The following MTSS1 variants were observed in gnomAD, a reference collection of about 807,000 sequenced individuals.
The protein encoded by MTSS1 is protein MTSS 1.
A neutral mutation model predicts 79.0 loss-of-function variants in MTSS1; 18 were observed. The ratio of observed to expected loss-of-function variants is 0.23; its 90% CI spans 0.16 to 0.34. The LOEUF (loss-of-function observed/expected upper bound fraction) is 0.34, where lower values mean the gene tolerates loss of function less well. MTSS1 is among the 10% of genes least tolerant of loss of function. MTSS1 has a pLI of 1.00. For synonymous variants in MTSS1, 341 were observed against 368.6 expected, an observed-to-expected ratio of 0.93 and a Z score of 0.86; for missense variants, 815 against 986.2, an observed-to-expected ratio of 0.83 and a Z score of 2.33.
At chr8:124,559,254 C>A (rs1824741461) in intron 10 of MTSS1, among the ~76,000 whole-genome samples, 1 of 152,152 alleles carries the variant, frequency 6.6e-6, no homozygotes, top group African/African-American at 2.4e-5. Flanking sequence ...CCTGTCACCT[C>A]TCTTATGTGC....
chr8:124,594,255 G>C (rs1378658865), intron 3 of MTSS1, among the ~76,000 whole-genome samples: 1 of 152,230 alleles, frequency 6.6e-6, no homozygotes, highest in African/African-American at 2.4e-5. Context: ...AACTGGCCGG[G>C]CTCAGTGGCT....
rs141282382 is a variant in MTSS1 at position 124,640,215 on chromosome 8, C to T, written c.209-48980G>A. Reference sequence around the variant, plus strand: ...CCTACCCACTGTTATTTCACTGAGCCAAGGCTGAGAAACGCAGTCACTCTG... The same window carrying T: ...CCTACCCACTGTTATTTCACTGAGCTAAGGCTGAGAAACGCAGTCACTCTG... On this transcript the variant is annotated intron_variant, in intron 3 of 13. Coordinates refer to ENST00000518547, the MANE Select transcript of MTSS1 (RefSeq NM_014751.6). 5.3e-5 allele frequency among the ~76,000 whole-genome samples: 8 copies of T among 152,318 alleles called. No individual in the cohort carries two copies. The East Asian group carries it at 1.5e-3, about 29-fold the overall frequency.
intron 7 of MTSS1, chr8:124,568,012 C>CA: frequency 7.3e-6 from 9 of 1,238,212 alleles, no homozygotes; most frequent in Non-Finnish European, 9.4e-6. Flanking sequence ...CTTTAAAACA[C>CA]AGACGACTGG....
intron 3 of MTSS1, among the ~76,000 whole-genome samples, chr8:124,639,520 A>G (rs1817638748): frequency 6.6e-6 from 1 of 151,932 alleles, no homozygotes; most frequent in Non-Finnish European, 1.5e-5. Flanking sequence ...TGTGTCACTC[A>G]GGCTGGAGTG....
In MTSS1 at chr8:124,604,612, C is replaced by A. The variant is rs1178069188; in HGVS notation, c.209-13377G>T. Among the ~76,000 whole-genome samples, 3 of 151,484 alleles carry A rather than the reference C, an allele frequency of 2.0e-5. No homozygotes were observed. The South Asian group carries it at 6.3e-4, about 32-fold the overall frequency. On this transcript the variant is annotated intron_variant, in intron 3 of 13. Transcript: ENST00000518547. The stretch of plus-strand genomic sequence containing the variant: ...CCTGTGTGGTTTTTTTTTTAAAAAA[C>A]CTGTTTTATTCAGCTACTGTATACA...
intron 3 of MTSS1, among the ~76,000 whole-genome samples, chr8:124,611,118 C>CCA (rs397821300): frequency 1.3e-5 from 2 of 148,828 alleles, no homozygotes; most frequent in South Asian, 2.1e-4. Flanking sequence ...CCCCCCCCCC[C>CCA]AGCATGTGAC....
intron 6 of MTSS1, chr8:124,568,836 C>T (rs534478020): frequency 2.8e-6 from 4 of 1,438,444 alleles, no homozygotes; most frequent in Middle Eastern, 2.5e-4. Flanking sequence ...CTTCTGCCAA[C>T]ACAACCCTGG....
At chr8:124,684,928 T>C (rs1201249602) in intron 3 of MTSS1, among the ~76,000 whole-genome samples, 2 of 152,164 alleles carry the variant, frequency 1.3e-5, no homozygotes, top group African/African-American at 4.8e-5. Flanking sequence ...GCCCCTACTA[T>C]GTTAGGGGCT....
chr8:124,693,177 T>C (rs150930010), intron 3 of MTSS1, among the ~76,000 whole-genome samples: 1 of 152,148 alleles, frequency 6.6e-6, no homozygotes, highest in East Asian at 1.9e-4. Context: ...TGCCAGCAGA[T>C]AGGGATCAAG....
At chr8:124,717,388 T>C (rs900618666) in intron 1 of MTSS1, among the ~76,000 whole-genome samples, 2 of 151,120 alleles carry the variant, frequency 1.3e-5, no homozygotes, top group Admixed American at 6.6e-5. Context: ...CCTAGCTACT[T>C]GGGAGGCTGA....
chr8:124,706,843 C>T (rs146878663), intron 1 of MTSS1, among the ~76,000 whole-genome samples: 1 of 152,172 alleles, frequency 6.6e-6, no homozygotes, highest in African/African-American at 2.4e-5. Context: ...AATTATGACA[C>T]CCAACATACA....
At chr8:124,605,710 G>T (rs1207029168) in intron 3 of MTSS1, among the ~76,000 whole-genome samples, 1 of 151,992 alleles carries the variant, frequency 6.6e-6, no homozygotes, top group East Asian at 1.9e-4. Context: ...CTAAAATCAG[G>T]TTTCATGCAT....
chr8:124,654,958 TCTAA>T (rs1820668814), intron 3 of MTSS1, among the ~76,000 whole-genome samples: 1 of 152,190 alleles, frequency 6.6e-6, no homozygotes, highest in African/African-American at 2.4e-5. Flanking sequence ...TGCCGAAACT[TCTAA>T]CTAATTTAAT....
intron 3 of MTSS1, among the ~76,000 whole-genome samples, chr8:124,672,989 C>A (rs79232163): frequency 0.011 from 1,702 of 152,122 alleles, 61 homozygotes; most frequent in East Asian, 0.069. Context: ...GAGAGCCAAG[C>A]CCCAGGAACT....
At chr8:124,627,396 C>T (rs1814909764) in intron 3 of MTSS1, among the ~76,000 whole-genome samples, 1 of 152,228 alleles carries the variant, frequency 6.6e-6, no homozygotes, top group Admixed American at 6.5e-5. Context: ...ACCCTCAAGG[C>T]AGGCATCTAT....
At chr8:124,555,195 G>A (rs1823333540) in intron 13 of MTSS1, among the ~76,000 whole-genome samples, 1 of 152,182 alleles carries the variant, frequency 6.6e-6, no homozygotes, top group African/African-American at 2.4e-5. Flanking sequence ...GGAGACTGCT[G>A]TATATGATGC....
At chr8:124,694,210 G>A (rs540131223) in intron 3 of MTSS1, among the ~76,000 whole-genome samples, 10 of 152,100 alleles carry the variant, frequency 6.6e-5, no homozygotes, top group Admixed American at 1.3e-4. Context: ...AGGGACTTGC[G>A]CGGAGTACAG....
intron 3 of MTSS1, among the ~76,000 whole-genome samples, chr8:124,691,984 A>G (rs1191029762): frequency 6.6e-6 from 1 of 152,068 alleles, no homozygotes; most frequent in African/African-American, 2.4e-5. Context: ...GTAAGTAGTA[A>G]TAAGAAGACA....
intron 5 of MTSS1, among the ~76,000 whole-genome samples, chr8:124,587,748 A>G (rs1028353460): frequency 2.0e-5 from 3 of 151,328 alleles, no homozygotes; most frequent in Admixed American, 2.0e-4. Flanking sequence ...CAAGTGATCC[A>G]CCCGCCTCGG....
Sources: allele counts gnomAD v4.1 joint callset (sites outside exome capture counted in the v4.1 genomes callset), GRCh38; gene constraint gnomAD v4.1.1; transcripts MANE v1.5; gene names NCBI Gene and HGNC (gene_info 2026-07-23, HGNC 2026-07-21).